The following IFT56 variants were observed in gnomAD, a reference collection of about 807,000 sequenced individuals.
IFT56 encodes the protein intraflagellar transport protein 56.
At chr7:139,137,777 C>G in the IFT56 span, 4 of 1,304,890 alleles carry the variant, frequency 3.1e-6, no homozygotes, top group Non-Finnish European at 4.4e-6. Context: ...CCCAACGTAG[C>G]ATTTTTTTTT....
At chr7:139,137,989 A>G in the IFT56 span, 13,005 of 1,097,206 alleles carry the variant, frequency 0.012, 397 homozygotes, top group East Asian at 0.096. Flanking sequence ...TTAAAATGTT[A>G]TTAAACTTTA....
the IFT56 span, among the ~76,000 whole-genome samples, chr7:139,153,978 C>A: frequency 6.6e-6 from 1 of 152,134 alleles, no homozygotes; most frequent in Non-Finnish European, 1.5e-5. Context: ...GTTTTGATTT[C>A]TTTGCGTTCT....
the IFT56 span, chr7:139,161,174 A>C: frequency 1.7e-6 from 1 of 579,072 alleles, no homozygotes. Flanking sequence ...TAAGTTTTAA[A>C]GTACTAATCT....
At chr7:139,134,808 C>G in the IFT56 span, 1 of 1,610,126 alleles carries the variant, frequency 6.2e-7, no homozygotes, top group Non-Finnish European at 8.5e-7. Context: ...GCCCAAAGAA[C>G]GTTGCTTCTT....
At chr7:139,141,217 C>T in the IFT56 span, among the ~76,000 whole-genome samples, 3 of 149,304 alleles carry the variant, frequency 2.0e-5, no homozygotes, top group Non-Finnish European at 3.0e-5. Context: ...GCCGAGATTG[C>T]GCCACTGCAC....
chr7:139,172,499 G>C, the IFT56 span: 1 of 436,714 alleles, frequency 2.3e-6, no homozygotes, highest in Non-Finnish European at 4.5e-6. Context: ...TGTTCTTACA[G>C]AACCATCAAC....
the IFT56 span, chr7:139,174,081 G>T: frequency 1.7e-6 from 1 of 602,904 alleles, no homozygotes. Flanking sequence ...TTCTTCCTGT[G>T]CTGCTCAGGC....
the IFT56 span, chr7:139,173,376 C>T: frequency 2.0e-6 from 1 of 500,616 alleles, no homozygotes; most frequent in South Asian, 2.4e-5. Flanking sequence ...TTACAGGCTC[C>T]TGCCACCATG....
chr7:139,148,822 G>T, the IFT56 span, among the ~76,000 whole-genome samples: 5 of 151,696 alleles, frequency 3.3e-5, no homozygotes, highest in Admixed American at 6.6e-5. Context: ...TGGGGGGTTC[G>T]GGGGGCGGGT....
At chr7:139,145,286 G>T in the IFT56 span, among the ~76,000 whole-genome samples, 19 of 151,906 alleles carry the variant, frequency 1.3e-4, no homozygotes, top group African/African-American at 4.3e-4. Flanking sequence ...GCCACCAATT[G>T]AGAATTGATA....
At chr7:139,140,436 C>T in the IFT56 span, among the ~76,000 whole-genome samples, 3 of 146,860 alleles carry the variant, frequency 2.0e-5, no homozygotes, top group African/African-American at 8.1e-5. Flanking sequence ...TGATATTCAT[C>T]TCAGGGCGAT....
At chr7:139,159,106 T>C in the IFT56 span, among the ~76,000 whole-genome samples, 1 of 152,212 alleles carries the variant, frequency 6.6e-6, no homozygotes, top group African/African-American at 2.4e-5. Flanking sequence ...AAAGGTTATC[T>C]TAAAGGAAAA....
chr7:139,161,949 T>C, the IFT56 span, among the ~76,000 whole-genome samples: 1 of 152,202 alleles, frequency 6.6e-6, no homozygotes, highest in Admixed American at 6.5e-5. Flanking sequence ...TAGTCTGGAA[T>C]TTAAGCTTGG....
the IFT56 span, chr7:139,191,339 G>A: frequency 6.6e-6 from 1 of 152,146 alleles, no homozygotes; most frequent in Non-Finnish European, 1.5e-5. Context: ...GGTAGAACCT[G>A]CTATAATTTT....
At chr7:139,178,487 T>C in the IFT56 span, 1 of 1,585,784 alleles carries the variant, frequency 6.3e-7, no homozygotes, top group East Asian at 2.2e-5. Flanking sequence ...TAATTCTCAG[T>C]GTGACCTGTT....
chr7:139,148,100 G>T, the IFT56 span: 11 of 978,878 alleles, frequency 1.1e-5, no homozygotes, highest in Non-Finnish European at 1.5e-5. Flanking sequence ...TTCTTCATAA[G>T]GCAGGTTCAT....
chr7:139,168,714 A>G, the IFT56 span: 6 of 343,534 alleles, frequency 1.7e-5, no homozygotes, highest in Non-Finnish European at 3.4e-5. Context: ...CTTTTTTTAA[A>G]CTTACATATA....
chr7:139,150,881 C>G, the IFT56 span, among the ~76,000 whole-genome samples: 1 of 152,182 alleles, frequency 6.6e-6, no homozygotes, highest in Non-Finnish European at 1.5e-5. Flanking sequence ...TTGTCTGACT[C>G]CAACATAGAC....
chr7:139,140,965 T>A, the IFT56 span, among the ~76,000 whole-genome samples: 13 of 142,282 alleles, frequency 9.1e-5, 1 homozygote, highest in African/African-American at 2.3e-4. Context: ...TTTTTTTTTT[T>A]AAAAGACAGG....
Sources: gnomAD v4.1 joint callset for allele counts (sites outside exome capture counted in the v4.1 genomes callset) on GRCh38, gnomAD v4.1.1 for gene constraint, MANE v1.5 for transcripts, NCBI Gene and HGNC (gene_info 2026-07-23, HGNC 2026-07-21) for gene names.